SAMD12: variants seen among roughly 807,000 people sequenced by gnomAD.
The protein encoded by SAMD12 is sterile alpha motif domain-containing protein 12.
Under a neutral mutation model 15.0 loss-of-function variants are expected in SAMD12, and 9 were observed. The observed-to-expected ratio is 0.60, with a 90% CI of 0.36 to 1.05. The LOEUF is 1.05. SAMD12 is among the 50% of genes least tolerant of loss of function. The pLI, the probability that SAMD12 is intolerant of heterozygous loss-of-function variation, is 0.01. For missense variants in SAMD12, 230 were observed against 234.2 expected, an observed-to-expected ratio of 0.98 and a Z score of 0.12; for synonymous variants, 86 against 90.1, an observed-to-expected ratio of 0.96 and a Z score of 0.25.
rs1039455262 is a variant in SAMD12 at position 118,378,325 on chromosome 8, C to T, written c.*1092G>A. 3.3e-5 allele frequency: 29 copies of T among 873,660 alleles called. No individual in the cohort carries two copies. In the East Asian group the frequency reaches 3.6e-4, roughly 11 times the overall value. The allele number at this position is 873,660 out of a possible 1,614,324, so 54.1% of individuals were successfully genotyped here. A position where few individuals can be genotyped will look rare whatever the true frequency, so the allele number is the denominator to read the frequency against. ...TGACAGACTTTCTTATCATAATCTTCGTATTTCTATCTACTTCTTAAAAGA... is the reference window on the plus strand; with the variant it reads ...TGACAGACTTTCTTATCATAATCTTTGTATTTCTATCTACTTCTTAAAAGA... On this transcript the variant is annotated 3_prime_UTR_variant, in exon 4 of 4. Coordinates refer to ENST00000314727, the MANE Select transcript of SAMD12 (RefSeq NM_207506.3).
chr8:118,526,484 A>G lies in SAMD12; in HGVS notation c.192+54231T>C, dbSNP rs538466490. Reference sequence around the variant, plus strand: ...AAGCCCAGAGACCTGTAGTTTTAATAGGCACCCAGGTGATTCTGATGCAGT... The same window carrying G: ...AAGCCCAGAGACCTGTAGTTTTAATGGGCACCCAGGTGATTCTGATGCAGT... On this transcript the variant is annotated intron_variant, in intron 2 of 3. Coordinates refer to ENST00000314727, the MANE Select transcript of SAMD12 (RefSeq NM_207506.3). 5.7e-4 allele frequency among the ~76,000 whole-genome samples: 87 copies of G among 152,108 alleles called. 1 individual carries two copies. The highest frequency in any genetic ancestry group is 1.0e-4 in the Non-Finnish European group (7 of 68,028).
chr8:118,530,204 C>T (rs1026573614), intron 2 of SAMD12, among the ~76,000 whole-genome samples: 2 of 152,104 alleles, frequency 1.3e-5, no homozygotes, highest in African/African-American at 2.4e-5. Flanking sequence ...CCTTTGCCTA[C>T]TTTATTTTTT....
intron 2 of SAMD12, among the ~76,000 whole-genome samples, chr8:118,562,543 T>C (rs1826733888): frequency 6.6e-6 from 1 of 151,970 alleles, no homozygotes; most frequent in Non-Finnish European, 1.5e-5. Flanking sequence ...AAAACAGGAA[T>C]TGATCCACAA....
intron 2 of SAMD12, among the ~76,000 whole-genome samples, chr8:118,545,394 G>C (rs1471005439): frequency 6.6e-6 from 1 of 152,182 alleles, no homozygotes; most frequent in Non-Finnish European, 1.5e-5. Context: ...TTGAGCCTGG[G>C]AGGCAGAGGT....
chr8:118,565,706 G>A (rs1428201713), intron 2 of SAMD12, among the ~76,000 whole-genome samples: 1 of 152,114 alleles, frequency 6.6e-6, no homozygotes, highest in East Asian at 1.9e-4. Context: ...TGAAACTTGT[G>A]ATTCCCCCCA....
At chr8:118,356,537 G>A (rs928190394) in intron 4 of SAMD12, among the ~76,000 whole-genome samples, 3 of 152,096 alleles carry the variant, frequency 2.0e-5, no homozygotes, top group Admixed American at 1.3e-4. Flanking sequence ...TGCACTTTCA[G>A]CTCTCTTACT....
At chr8:118,245,144 C>T (rs923818407) in intron 4 of SAMD12, among the ~76,000 whole-genome samples, 1 of 152,066 alleles carries the variant, frequency 6.6e-6, no homozygotes, top group African/African-American at 2.4e-5. Flanking sequence ...CGCTGGCAAG[C>T]CATTTATTTT....
At position 118,512,437 on chromosome 8, in the gene SAMD12, CACTT is replaced by C. The variant is rs750588760; in HGVS notation, c.192+68274_192+68277del. ...AAAATAGACTGAGTTACTTTTATGA[CACTT>C]ACAGTTGAACAAATTCTGAATAATT... On this transcript the variant is annotated intron_variant, in intron 2 of 3. Transcript: ENST00000314727. Among the ~76,000 whole-genome samples, 19 of 152,262 alleles carry C rather than the reference CACTT, an allele frequency of 1.2e-4. No individual in the cohort carries two copies. The East Asian group carries it at 1.4e-3, about 11-fold the overall frequency.
At chr8:118,212,791 A>C (rs1811865699) in intron 4 of SAMD12, among the ~76,000 whole-genome samples, 1 of 152,206 alleles carries the variant, frequency 6.6e-6, no homozygotes, top group Non-Finnish European at 1.5e-5. Flanking sequence ...ATGCACAATC[A>C]CAGGCCACTT....
Position 118,395,022 on chromosome 8 carries a change from G to A in SAMD12, c.323-15322C>T, listed in dbSNP as rs565210183. 1.1e-4 allele frequency: 16 copies of A among 152,204 alleles called. No individual in the cohort carries two copies. In the South Asian group the frequency reaches 1.2e-3, roughly 12 times the overall value. 9.4% of individuals were successfully genotyped at this position (152,204 alleles called of 1,614,324 possible). A position where few individuals can be genotyped will look rare whatever the true frequency, so the allele number is the denominator to read the frequency against. ...GTTGCTTACCCTGCTTTAAGTCTCC[G>A]TTTTCCCATCTCATCAGTGGGTATG... On this transcript the variant is annotated intron_variant, in intron 3 of 3. Transcript: ENST00000314727.
At chr8:118,324,364 T>C (rs942205083) in intron 4 of SAMD12, among the ~76,000 whole-genome samples, 1 of 152,206 alleles carries the variant, frequency 6.6e-6, no homozygotes, top group African/African-American at 2.4e-5. Flanking sequence ...ATCAAGATTA[T>C]AAATGTCACA....
chr8:118,597,750 T>C (rs1165860663), intron 1 of SAMD12, among the ~76,000 whole-genome samples: 1 of 152,206 alleles, frequency 6.6e-6, no homozygotes, highest in African/African-American at 2.4e-5. Context: ...ACCATCATCA[T>C]CTCAGTGAAG....
chr8:118,434,875 C>T lies in SAMD12; in HGVS notation c.322+4957G>A, dbSNP rs541705131. ...CAGCACTTTGGGAGGCCGAGGCGGG[C>T]GGATCACGAGGTCAGGAGATCGAGA... On this transcript the variant is annotated intron_variant, in intron 3 of 3. Transcript: ENST00000314727. Among the ~76,000 whole-genome samples the T allele has an allele frequency of 1.0e-3, 26 of 25,698 alleles. 7 individuals carry two copies. The highest frequency in any genetic ancestry group is 2.1e-3 in the African/African-American group (26 of 12,108). The allele number at this position is 25,698 out of a possible 152,430, so 16.9% of individuals were successfully genotyped here.
rs560384437 is a variant in SAMD12, at chr8:118,548,699, G to A, written c.192+32016C>T. 2.0e-4 allele frequency among the ~76,000 whole-genome samples: 31 copies of A among 152,336 alleles called. No individual in the cohort carries two copies. The South Asian group carries it at 3.1e-3, about 15-fold the overall frequency. On this transcript the variant is annotated intron_variant, in intron 2 of 3. Transcript: ENST00000314727. ...CGCAGGTCAGTGGGTGCAGCGCACC[G>A]TGCGCGAGCCGAAGCAGGGCGAGGC...
chr8:118,550,995 T>A (rs1826314166), intron 2 of SAMD12, among the ~76,000 whole-genome samples: 2 of 151,868 alleles, frequency 1.3e-5, no homozygotes, highest in Admixed American at 1.3e-4. Context: ...TAAATATATA[T>A]GCACCCAATA....
chr8:118,593,793 T>C (rs1827646936), intron 1 of SAMD12, among the ~76,000 whole-genome samples: 1 of 152,200 alleles, frequency 6.6e-6, no homozygotes, highest in South Asian at 2.1e-4. Flanking sequence ...TTCTTTTCTA[T>C]AGTTGTGTAA....
At chr8:118,455,667 C>T (rs1396407643) in intron 2 of SAMD12, among the ~76,000 whole-genome samples, 2 of 152,236 alleles carry the variant, frequency 1.3e-5, no homozygotes, top group Non-Finnish European at 2.9e-5. Context: ...CGATATCCCA[C>T]TTGGCTGTCC....
At chr8:118,288,282 G>A (rs979673572) in intron 4 of SAMD12, 3 of 152,130 alleles carry the variant, frequency 2.0e-5, no homozygotes, top group Admixed American at 1.3e-4. Flanking sequence ...CATGCCAAAG[G>A]TCACAGTGTC....
chr8:118,354,164 A>C (rs1818106550), intron 4 of SAMD12, among the ~76,000 whole-genome samples: 1 of 152,216 alleles, frequency 6.6e-6, no homozygotes, highest in Non-Finnish European at 1.5e-5. Flanking sequence ...AATTTCAACA[A>C]ACAACTTGTA....
Sources: gnomAD v4.1 joint callset for allele counts (sites outside exome capture counted in the v4.1 genomes callset) on GRCh38, gnomAD v4.1.1 for gene constraint, MANE v1.5 for transcripts, NCBI Gene and HGNC (gene_info 2026-07-23, HGNC 2026-07-21) for gene names.